Variants in B9D1 observed in about 807,000 individuals in gnomAD.
B9D1 encodes the protein B9 domain containing 1.
B9D1 carries 20 observed loss-of-function variants against 26.1 expected under a neutral mutation model. The observed-to-expected ratio is 0.77, with a 90% CI of 0.54 to 1.12. The LOEUF (loss-of-function observed/expected upper bound fraction) is 1.12. Among genes scored for constraint, B9D1 ranks in the 50% most tolerant of loss-of-function variants. The pLI, the probability that B9D1 is intolerant of heterozygous loss-of-function variation, is 0.00. For missense variants in B9D1, 260 were observed against 273.7 expected (o/e 0.95, Z 0.35); for synonymous variants, 105 against 103.1 (o/e 1.02, Z -0.11).
rs1908940716 is a variant in B9D1 at position 19,347,232 on chromosome 17, G to A, written c.404+37C>T. 1 of 1,614,208 alleles carries A rather than the reference G, an allele frequency of 6.2e-7. No individual in the cohort carries two copies. Among genetic ancestry groups the A allele is most frequent in the Middle Eastern group, 1.6e-4 (1 of 6,062 alleles). ...GAATGGGACATCCATTCATCCAGTA[G>A]ATCAGGAGGGGCTGGGGTTATGGGT... On this transcript the variant is annotated intron_variant, in intron 5 of 6. Transcript: ENST00000261499. This position sits in a 1 kb window ranked among gnomAD's most constrained non-coding sequence, Gnocchi z 4.3.
In B9D1 at chr17:19,343,328, G is replaced by A. The variant is rs151295524; in HGVS notation, c.606C>T (p.Phe202=). The A allele has an allele frequency of 3.1e-6, 5 of 1,614,058 alleles. No individual in the cohort carries two copies. The highest frequency in any genetic ancestry group is 2.7e-5 in the African/African-American group (2 of 74,922). The change falls in exon 7 of 7, where the codon TTC becomes TTT. Residue 202 remains phenylalanine (F), a synonymous_variant. Transcript: ENST00000261499. The stretch of plus-strand genomic sequence containing the variant: ...GCAGCCTGTGGAGCCTTCACTGGGG[G>A]AAGCTCTGGGGTGGGCTGGGCCCCA... ...GVLGPSPPQS[F]PQ
chr17:19,367,452 T>C (rs996554715), upstream of B9D1, among the ~76,000 whole-genome samples: 5 of 151,850 alleles, frequency 3.3e-5, no homozygotes, highest in African/African-American at 1.2e-4. Flanking sequence ...GCTGGGATTA[T>C]TGGTGCCTGC....
rs956170874 is a variant in B9D1 at position 19,347,649 on chromosome 17, C to A, written c.341+135G>T. On this transcript the variant is annotated intron_variant, in intron 4 of 6. Coordinates refer to ENST00000261499, the MANE Select transcript of B9D1 (RefSeq NM_015681.6). This position sits in a 1 kb window ranked among gnomAD's most constrained non-coding sequence, Gnocchi z 4.3. Reference sequence around the variant, plus strand: ...CCTCCCAAATACAGGCTACAACCCCCCTGGCCACCAGGCTGAGCTGCCCAG... The same window carrying A: ...CCTCCCAAATACAGGCTACAACCCCACTGGCCACCAGGCTGAGCTGCCCAG... The A allele has an allele frequency of 4.6e-6, 4 of 878,086 alleles. No homozygotes were observed. The highest frequency in any genetic ancestry group is 1.7e-5 in the African/African-American group (1 of 60,224). 54.4% of individuals were successfully genotyped at this position (878,086 alleles called of 1,614,324 possible).
chr17:19,334,882 T>C (rs1372450129), downstream of B9D1: 2 of 153,856 alleles, frequency 1.3e-5, no homozygotes, highest in Non-Finnish European at 1.5e-5. The surrounding 1 kb of genome is among the most constrained non-coding windows in gnomAD (Gnocchi z 4.9). Context: ...TACAGTTTCA[T>C]ATTTGAGTTT....
At chr17:19,364,371 G>A (rs1475784615), upstream of B9D1, 1 of 152,270 alleles carries the variant, frequency 6.6e-6, no homozygotes, top group African/African-American at 2.4e-5. The surrounding 1 kb of genome is among the most constrained non-coding windows in gnomAD (Gnocchi z 4.3). Flanking sequence ...CATTAGAAGC[G>A]ACTTTAGGAG....
In B9D1 at chr17:19,362,583, G is replaced by C. The variant is rs774883190; in HGVS notation, c.-14C>G. On this transcript the variant is annotated 5_prime_UTR_variant, in exon 1 of 7. Coordinates refer to ENST00000261499, the MANE Select transcript of B9D1 (RefSeq NM_015681.6). ...CGCGGTCGCCATGGCAGGTCTGGGGGTGCCGGGGGGACCCACCTAGGCCGC... is the reference window on the plus strand; with the variant it reads ...CGCGGTCGCCATGGCAGGTCTGGGGCTGCCGGGGGGACCCACCTAGGCCGC... 3 of 1,587,794 alleles carry C rather than the reference G, an allele frequency of 1.9e-6. No homozygotes were observed. The highest frequency in any genetic ancestry group is 2.6e-6 in the Non-Finnish European group (3 of 1,167,106).
At chr17:19,344,921 C>G (rs777770946) in intron 5 of B9D1, among the ~76,000 whole-genome samples, 70 of 152,226 alleles carry the variant, frequency 4.6e-4, no homozygotes, top group Non-Finnish European at 9.1e-4. Context: ...GCAGCCACAA[C>G]CCCTGCGCCT....
intron 1 of B9D1, among the ~76,000 whole-genome samples, chr17:19,369,896 G>A (rs1232168632): frequency 6.6e-6 from 1 of 152,156 alleles, no homozygotes; most frequent in Non-Finnish European, 1.5e-5. Context: ...GTTCAGAGCA[G>A]GATTCCTACC....
chr17:19,362,618 C>T lies in B9D1; in HGVS notation c.-49G>A, dbSNP rs907869527. On this transcript the variant is annotated 5_prime_UTR_variant, in exon 1 of 7. Transcript: ENST00000261499. Reference sequence around the variant, plus strand: ...GACCCACCTAGGCCGCGCGCGGTTGCTAAGAGACGCCGGCGTTGCCCTAGA... The same window carrying T: ...GACCCACCTAGGCCGCGCGCGGTTGTTAAGAGACGCCGGCGTTGCCCTAGA... 1.5e-5 allele frequency: 24 copies of T among 1,570,562 alleles called. No individual in the cohort carries two copies. The highest frequency in any genetic ancestry group is 3.7e-5 in the Admixed American group (2 of 53,872).
downstream of B9D1, chr17:19,335,260 T>G: frequency 5.5e-6 from 4 of 732,796 alleles, no homozygotes; most frequent in Non-Finnish European, 8.4e-6. Flanking sequence ...ATTACTAAAC[T>G]GATTGACTTT....
At chr17:19,353,287 G>A (rs1909894506) in intron 3 of B9D1, among the ~76,000 whole-genome samples, 1 of 152,030 alleles carries the variant, frequency 6.6e-6, no homozygotes, top group African/African-American at 2.4e-5. Flanking sequence ...AATTTCTTAA[G>A]AGAGATGCTG....
At position 19,357,824 on chromosome 17, in the gene B9D1, G is replaced by A; in HGVS notation, c.244+16C>T. On this transcript the variant is annotated intron_variant, in intron 3 of 6. Transcript: ENST00000261499. ...AAGCTCTGCCACCCTACCCCACAGG[G>A]CCCCTGCAGACTCACAGCCGTAGGG... 6.3e-7 allele frequency: 1 copy of A among 1,590,844 alleles called. No individual in the cohort carries two copies. Among genetic ancestry groups the A allele is most frequent in the Middle Eastern group, 1.8e-4 (1 of 5,410 alleles).
chr17:19,377,749 C>G lies in B9D1; in HGVS notation c.-298+110G>C, dbSNP rs1032462140. Reference sequence around the variant, plus strand: ...GCTCGGTTCCAGCGAGGGCTCCGCCCACCCGCGGGCTCCGCAGAGGAGCAG... The same window carrying G: ...GCTCGGTTCCAGCGAGGGCTCCGCCGACCCGCGGGCTCCGCAGAGGAGCAG... On this transcript the variant is annotated intron_variant, in intron 1 of 5. Coordinates refer to the B9D1 transcript ENST00000477478. 4.8e-6 allele frequency: 4 copies of G among 834,618 alleles called. No individual in the cohort carries two copies. The African/African-American group carries it at 7.4e-5, about 15-fold the overall frequency. The allele number at this position is 834,618 out of a possible 1,614,324, so 51.7% of individuals were successfully genotyped here.
At chr17:19,351,936 A>T (rs986004535) in intron 3 of B9D1, among the ~76,000 whole-genome samples, 2 of 152,072 alleles carry the variant, frequency 1.3e-5, no homozygotes, top group African/African-American at 4.8e-5. Flanking sequence ...CCCAGGCTGG[A>T]GTGCAGTAGC....
chr17:19,375,317 T>G (rs1055112395), intron 1 of B9D1, among the ~76,000 whole-genome samples: 23 of 150,340 alleles, frequency 1.5e-4, no homozygotes, highest in African/African-American at 5.6e-4. Flanking sequence ...GTCAAAGGAT[T>G]TGAATAGATA....
Position 19,362,648 on chromosome 17 carries a change from G to T in B9D1, c.-79C>A. ...AGACGCCGGCGTTGCCCTAGAAACA[G>T]ACGGCGTAGCGCGCAGGACACGTTT... On this transcript the variant is annotated 5_prime_UTR_variant, in exon 1 of 7. The change creates a new upstream start codon in the 5' untranslated region. Coordinates refer to ENST00000261499, the MANE Select transcript of B9D1 (RefSeq NM_015681.6). The T allele has an allele frequency of 6.4e-7, 1 of 1,554,582 alleles. No individual in the cohort carries two copies. The highest frequency in any genetic ancestry group is 1.2e-5 in the South Asian group (1 of 84,582).
downstream of B9D1, chr17:19,335,469 C>T: frequency 1.3e-6 from 2 of 1,549,552 alleles, no homozygotes; most frequent in Non-Finnish European, 1.7e-6. Context: ...ACATCTTTAA[C>T]CTTGTGTGTC....
At chr17:19,337,597 G>A, downstream of B9D1, 1 of 898,434 alleles carries the variant, frequency 1.1e-6, no homozygotes, top group East Asian at 2.7e-5. Flanking sequence ...AGAAAGAAGG[G>A]TGTGTGGGAT....
At position 19,362,513 on chromosome 17, in the gene B9D1, G is replaced by T. The variant is rs1382912462; in HGVS notation, c.57C>A (p.Ser19Arg). The T allele has an allele frequency of 6.4e-7, 1 of 1,571,430 alleles. No individual in the cohort carries two copies. Residue 19 changes from serine to arginine, a missense_variant, in exon 1 of 7, where the codon AGC becomes AGA. Ser to Arg is a moderately radical substitution (Grantham distance 110). Coordinates refer to ENST00000261499, the MANE Select transcript of B9D1 (RefSeq NM_015681.6). ...GGGGTCCACGGCCGCTCACCTGGGCGCTCTCCACCTGCCCGTTGACCATGA... is the reference window on the plus strand; with the variant it reads ...GGGGTCCACGGCCGCTCACCTGGGCTCTCTCCACCTGCCCGTTGACCATGA... The part of the protein sequence containing the change: ...FLLMVNGQVE[S>R]AQFPEYDDLY...
Sources: allele counts gnomAD v4.1 joint callset (sites outside exome capture counted in the v4.1 genomes callset), GRCh38; gene constraint gnomAD v4.1.1; non-coding constraint Gnocchi (gnomAD v3.1); transcripts MANE v1.5; gene names NCBI Gene and HGNC (gene_info 2026-07-23, HGNC 2026-07-21).